CDC27: variants seen among roughly 807,000 people sequenced by gnomAD.
CDC27 encodes the protein cell division cycle protein 27 homolog.
CDC27 carries 27 observed loss-of-function variants against 109.7 expected under a neutral mutation model. That is an observed-to-expected ratio of 0.25 (90% CI 0.18 to 0.34). The LOEUF (loss-of-function observed/expected upper bound fraction) is 0.34. CDC27 is among the 10% of genes least tolerant of loss of function. CDC27 has a pLI of 1.00. For synonymous variants in CDC27, 266 were observed against 333.9 expected, an observed-to-expected ratio of 0.80 and a Z score of 2.22; for missense variants, 579 against 960.2, an observed-to-expected ratio of 0.60 and a Z score of 5.25.
chr17:47,157,699 TAGG>T (rs2063360154), intron 5 of CDC27, among the ~76,000 whole-genome samples: 1 of 152,166 alleles, frequency 6.6e-6, no homozygotes, highest in African/African-American at 2.4e-5. Context: ...TTTCTCAAAG[TAGG>T]AGATGAGGTT....
chr17:47,169,986 T>C lies in CDC27; in HGVS notation c.308A>G (p.His103Arg), dbSNP rs1397897690. 3 of 1,595,418 alleles carry C rather than the reference T, an allele frequency of 1.9e-6. No individual in the cohort carries two copies. The highest frequency in any genetic ancestry group is 2.3e-5 in the East Asian group (1 of 43,364). Reference sequence around the variant, plus strand: ...ACCAAACTCAGTAACAATATCATCATGGCTTTTCTGCTTATTAAACACTCC... The same window carrying C: ...ACCAAACTCAGTAACAATATCATCACGGCTTTTCTGCTTATTAAACACTCC... ...SGGVFNKQKS[H>R]DDIVTEFGDS... is the part of the protein sequence containing the mutation. Residue 103 changes from histidine (H) to arginine (R), a missense_variant, in exon 4 of 19, where the codon CAT becomes CGT. Physicochemically the swap from His to Arg is conservative, Grantham distance 29. This residue lies in a region of CDC27 where 52 missense variants were observed against 63.4 expected (regional missense o/e 0.82). Transcript: ENST00000066544.
chr17:47,182,789 G>GT (rs1333403807), intron 1 of CDC27, among the ~76,000 whole-genome samples: 4 of 151,910 alleles, frequency 2.6e-5, no homozygotes, highest in East Asian at 1.9e-4. Context: ...TTTCTAGGGT[G>GT]TTTTTTTGTT....
chr17:47,127,827 T>G (rs2148809015), intron 16 of CDC27, among the ~76,000 whole-genome samples: 1 of 151,452 alleles, frequency 6.6e-6, no homozygotes, highest in East Asian at 2.0e-4. Flanking sequence ...TTCAGCTTCC[T>G]GAGTAGCTGA....
rs746170975 is a variant in CDC27 at position 47,142,455 on chromosome 17, T to G, written c.1171-19A>C. The G allele has an allele frequency of 9.6e-7, 1 of 1,045,814 alleles. No homozygotes were observed. Among genetic ancestry groups the G allele is most frequent in the East Asian group, 2.6e-5 (1 of 38,782 alleles). 64.8% of individuals were successfully genotyped at this position (1,045,814 alleles called of 1,614,324 possible). A position where few individuals can be genotyped will look rare whatever the true frequency, so the allele number is the denominator to read the frequency against. ...TATTCTCCTGTAAAAGGGAAGAAAT[T>G]TCACACCTGTTATACTCATGTATTT... On this transcript the variant is annotated intron_variant, in intron 10 of 18. Coordinates refer to ENST00000066544, the MANE Select transcript of CDC27 (RefSeq NM_001256.6).
intron 13 of CDC27, among the ~76,000 whole-genome samples, chr17:47,138,437 T>G (rs1485747615): frequency 2.0e-5 from 3 of 152,232 alleles, no homozygotes; most frequent in African/African-American, 7.2e-5. Context: ...AATTATTAAT[T>G]TTTTCAATCT....
chr17:47,159,065 C>T (rs1272799196), intron 4 of CDC27: 1 of 223,848 alleles, frequency 4.5e-6, no homozygotes, highest in Non-Finnish European at 8.6e-6. Flanking sequence ...ATTTTTAATA[C>T]AACATTCCCA....
intron 17 of CDC27, 79 bp downstream of exon 17, chr17:47,123,807 G>T (rs1184189130): frequency 1.0e-6 from 1 of 984,872 alleles, no homozygotes; most frequent in Non-Finnish European, 1.5e-6. Flanking sequence ...ATATGTACAG[G>T]AAGTATTACA....
At chr17:47,149,524 A>C (rs997595418) in intron 9 of CDC27, among the ~76,000 whole-genome samples, 2 of 151,906 alleles carry the variant, frequency 1.3e-5, no homozygotes, top group African/African-American at 4.8e-5. Flanking sequence ...AAAAAAAAAA[A>C]AAAAAAGAAA....
chr17:47,157,958 G>A (rs1324020477), intron 5 of CDC27, among the ~76,000 whole-genome samples: 1 of 152,086 alleles, frequency 6.6e-6, no homozygotes, highest in African/African-American at 2.4e-5. Flanking sequence ...CCATTCTAGA[G>A]GACACCAGAT....
intron 4 of CDC27, among the ~76,000 whole-genome samples, chr17:47,167,921 C>G (rs1266206883): frequency 3.3e-5 from 5 of 151,392 alleles, no homozygotes; most frequent in Admixed American, 3.3e-4. Flanking sequence ...TCCCACAATG[C>G]TCTATTCAGG....
intron 9 of CDC27, among the ~76,000 whole-genome samples, chr17:47,147,428 C>CAAAA (rs112729209): frequency 2.2e-5 from 3 of 134,708 alleles, no homozygotes; most frequent in Admixed American, 1.4e-4. Flanking sequence ...AACAAACAAA[C>CAAAA]AAAAAAAAAA....
chr17:47,187,128 T>C (rs1384007119), intron 1 of CDC27, among the ~76,000 whole-genome samples: 2 of 152,064 alleles, frequency 1.3e-5, no homozygotes, highest in Admixed American at 1.3e-4. Flanking sequence ...TACCACTATC[T>C]CAAAAATCTA....
Position 47,172,078 on chromosome 17 carries a change from T to G in CDC27, c.104-14A>C. 2 of 1,530,132 alleles carry G rather than the reference T, an allele frequency of 1.3e-6. No individual in the cohort carries two copies. The highest frequency in any genetic ancestry group is 1.7e-6 in the Non-Finnish European group (2 of 1,143,492). The allele number at this position is 1,530,132 out of a possible 1,614,324, so 94.8% of individuals were successfully genotyped here. On this transcript the variant is annotated splice_polypyrimidine_tract_variant and intron_variant, in intron 2 of 18. Transcript: ENST00000066544. Reference sequence around the variant, plus strand: ...CTTCTGAGTGTACTAAAAACAGACATTTTTTAAAAAGGCTATTGTTCAGTA... The same window carrying G: ...CTTCTGAGTGTACTAAAAACAGACAGTTTTTAAAAAGGCTATTGTTCAGTA...
At chr17:47,125,949 ATTG>A (rs1320125033) in intron 16 of CDC27, among the ~76,000 whole-genome samples, 1 of 152,196 alleles carries the variant, frequency 6.6e-6, no homozygotes, top group Non-Finnish European at 1.5e-5. Flanking sequence ...GCATATTATA[ATTG>A]TTATCAACAT....
At chr17:47,164,544 C>T (rs756861601) in intron 4 of CDC27, among the ~76,000 whole-genome samples, 25 of 152,210 alleles carry the variant, frequency 1.6e-4, no homozygotes, top group Admixed American at 3.9e-4. Flanking sequence ...ACGCTGGACA[C>T]GGTGGCTCAT....
intron 14 of CDC27, among the ~76,000 whole-genome samples, chr17:47,136,895 A>T (rs201530600): frequency 6.6e-6 from 1 of 152,368 alleles, no homozygotes; most frequent in South Asian, 2.1e-4. Flanking sequence ...CAACTACAGT[A>T]TCTGCAAAAG....
intron 14 of CDC27, among the ~76,000 whole-genome samples, chr17:47,133,473 C>T (rs1411945168): frequency 1.3e-5 from 2 of 149,064 alleles, no homozygotes; most frequent in East Asian, 4.0e-4. Flanking sequence ...GAGTTTCGCT[C>T]TTGTTGCCCA....
chr17:47,173,590 T>C (rs1356953301), intron 2 of CDC27, among the ~76,000 whole-genome samples: 1 of 152,238 alleles, frequency 6.6e-6, no homozygotes, highest in Non-Finnish European at 1.5e-5. Flanking sequence ...ACAGTAATGC[T>C]GTCTCAATTG....
intron 4 of CDC27, among the ~76,000 whole-genome samples, chr17:47,160,436 G>C (rs1240631334): frequency 6.6e-6 from 1 of 152,054 alleles, no homozygotes; most frequent in African/African-American, 2.4e-5. Flanking sequence ...AGGTTGGCCA[G>C]GCTGTTTTTG....
Sources: allele counts gnomAD v4.1 joint callset (sites outside exome capture counted in the v4.1 genomes callset), GRCh38; gene constraint gnomAD v4.1.1; regional missense constraint gnomAD v4.1.1; transcripts MANE v1.5; gene names NCBI Gene and HGNC (gene_info 2026-07-23, HGNC 2026-07-21).